Variants in ATP2B2 observed in about 807,000 individuals in gnomAD.
ATP2B2 encodes the protein ATPase plasma membrane Ca2+ transporting 2.
ATP2B2 carries 15 observed loss-of-function variants against 120.0 expected under a neutral mutation model. That is an observed-to-expected ratio of 0.12 (90% CI 0.08 to 0.19). The LOEUF is 0.19. Ranked by LOEUF, ATP2B2 falls within the 10% of genes least tolerant of loss-of-function variation. The pLI is 1.00. For synonymous variants in ATP2B2, 694 were observed against 700.3 expected (o/e 0.99, Z 0.14); for missense variants, 1,045 against 1,719.8 (o/e 0.61, Z 6.94).
intron 2 of ATP2B2, among the ~76,000 whole-genome samples, chr3:10,573,150 C>T (rs529154225): frequency 9.5e-6 from 1 of 105,696 alleles, no homozygotes; most frequent in South Asian, 2.6e-4. Flanking sequence ...AAGCCAAATA[C>T]ATTTTTTTTT....
chr3:10,654,377 A>G (rs922924482), intron 1 of ATP2B2, among the ~76,000 whole-genome samples: 1 of 152,106 alleles, frequency 6.6e-6, no homozygotes, highest in Non-Finnish European at 1.5e-5. Context: ...CTTGATAAAT[A>G]TTTGCTCAAT....
At chr3:10,345,087 C>T (rs2060392485) in intron 18 of ATP2B2, among the ~76,000 whole-genome samples, 1 of 152,206 alleles carries the variant, frequency 6.6e-6, no homozygotes, top group African/African-American at 2.4e-5. Flanking sequence ...CTTGAGGATT[C>T]CCTCTCCTGC....
Position 10,639,398 on chromosome 3 carries a change from G to A in ATP2B2, c.-459-19437C>T, listed in dbSNP as rs568503577. On this transcript the variant is annotated intron_variant, in intron 1 of 21. Coordinates refer to the ATP2B2 transcript ENST00000646379. ...TAAGGCTGAGAAGTCCAAGGTCAAGGTGCCAGCAGATTTGGAGTCTGGAGA... is the reference window on the plus strand; with the variant it reads ...TAAGGCTGAGAAGTCCAAGGTCAAGATGCCAGCAGATTTGGAGTCTGGAGA... 4.6e-5 allele frequency among the ~76,000 whole-genome samples: 7 copies of A among 152,312 alleles called. 1 individual carries two copies. The South Asian group carries it at 6.2e-4, about 14-fold the overall frequency.
intron 1 of ATP2B2, among the ~76,000 whole-genome samples, chr3:10,468,025 A>G (rs1473170462): frequency 6.6e-6 from 1 of 152,220 alleles, no homozygotes; most frequent in African/African-American, 2.4e-5. Flanking sequence ...AAGGCTGTGC[A>G]CATGACCTCG....
chr3:10,435,301 G>T (rs1162316368), intron 2 of ATP2B2, among the ~76,000 whole-genome samples: 2 of 152,162 alleles, frequency 1.3e-5, no homozygotes, highest in African/African-American at 4.8e-5. Flanking sequence ...GCCACCAGGT[G>T]GTCCCAAATA....
At chr3:10,540,563 T>C (rs1385451503) in intron 2 of ATP2B2, among the ~76,000 whole-genome samples, 1 of 152,096 alleles carries the variant, frequency 6.6e-6, no homozygotes, top group Non-Finnish European at 1.5e-5. Context: ...GTTAATGTCC[T>C]TTGTAGGGAC....
intron 2 of ATP2B2, among the ~76,000 whole-genome samples, chr3:10,597,063 CCACACACA>C (rs58466640): frequency 6.3e-5 from 9 of 142,846 alleles, no homozygotes; most frequent in African/African-American, 1.0e-4. Flanking sequence ...ACACACAGGG[CCACACACA>C]CACACACACA....
In ATP2B2 at chr3:10,327,133, G is replaced by A. The variant is rs970435965; in HGVS notation, c.*1681C>T. On this transcript the variant is annotated 3_prime_UTR_variant, in exon 23 of 23. Coordinates refer to ENST00000360273, the MANE Select transcript of ATP2B2 (RefSeq NM_001001331.4). Reference sequence around the variant, plus strand: ...ATACAAAAGTTCTTTTATGAAAAACGCTGAGACCCACAAAGTGCTTAGCAG... The same window carrying A: ...ATACAAAAGTTCTTTTATGAAAAACACTGAGACCCACAAAGTGCTTAGCAG... 16 of 292,258 alleles carry A rather than the reference G, an allele frequency of 5.5e-5. No individual in the cohort carries two copies. Among genetic ancestry groups the A allele is most frequent in the Middle Eastern group, 9.3e-4 (1 of 1,076 alleles). The allele number at this position is 292,258 out of a possible 1,614,324, so 18.1% of individuals were successfully genotyped here. A position where few individuals can be genotyped will look rare whatever the true frequency, so the allele number is the denominator to read the frequency against.
chr3:10,495,697 T>A (rs1403883466), intron 1 of ATP2B2, among the ~76,000 whole-genome samples: 1 of 152,182 alleles, frequency 6.6e-6, no homozygotes, highest in African/African-American at 2.4e-5. Context: ...TGGGTCCCAG[T>A]GCCAGGTCTC....
intron 16 of ATP2B2, 85 bp downstream of exon 16, chr3:10,350,027 A>C: frequency 7.2e-7 from 1 of 1,389,488 alleles, no homozygotes; most frequent in Non-Finnish European, 1.0e-6. Flanking sequence ...CCTTCTGGGA[A>C]GAAGCTGCAA....
At chr3:10,398,524 C>T (rs949219785) in intron 5 of ATP2B2, among the ~76,000 whole-genome samples, 2 of 152,214 alleles carry the variant, frequency 1.3e-5, no homozygotes, top group African/African-American at 4.8e-5. Flanking sequence ...CCCCAGCAGC[C>T]CAGGCTTCAC....
At chr3:10,656,009 T>C (rs930845382) in intron 1 of ATP2B2, among the ~76,000 whole-genome samples, 3 of 152,194 alleles carry the variant, frequency 2.0e-5, no homozygotes, top group African/African-American at 2.4e-5. Flanking sequence ...AAACAATCCC[T>C]GGATTGATGA....
chr3:10,540,172 C>T (rs1019063207), intron 2 of ATP2B2, among the ~76,000 whole-genome samples: 20 of 152,114 alleles, frequency 1.3e-4, no homozygotes, highest in African/African-American at 7.2e-5. Flanking sequence ...CAATGAGATA[C>T]CATCTCACAC....
chr3:10,544,370 G>A (rs920521721), intron 2 of ATP2B2, among the ~76,000 whole-genome samples: 1 of 152,222 alleles, frequency 6.6e-6, no homozygotes, highest in Admixed American at 6.5e-5. Context: ...AGGGGCCTAG[G>A]CCAAAAGTCT....
chr3:10,641,842 T>G, intron 1 of ATP2B2, among the ~76,000 whole-genome samples: 1 of 152,048 alleles, frequency 6.6e-6, no homozygotes, highest in East Asian at 1.9e-4. Context: ...ACCCATCTAT[T>G]CATCCAACCA....
chr3:10,461,140 A>C (rs981801055), intron 1 of ATP2B2, among the ~76,000 whole-genome samples: 3 of 152,240 alleles, frequency 2.0e-5, no homozygotes, highest in Admixed American at 6.5e-5. Context: ...TGAGGAAATG[A>C]GAATGATGCA....
intron 21 of ATP2B2, among the ~76,000 whole-genome samples, chr3:10,339,866 T>G (rs1016627956): frequency 1.3e-5 from 2 of 152,220 alleles, no homozygotes; most frequent in South Asian, 4.1e-4. Context: ...AGCTGGAGTT[T>G]AATAATGTCA....
upstream of ATP2B2, among the ~76,000 whole-genome samples, chr3:10,508,981 A>G (rs1410487180): frequency 6.6e-6 from 1 of 152,074 alleles, no homozygotes; most frequent in Non-Finnish European, 1.5e-5. Context: ...AGCCAATCTG[A>G]TTTTTACTCT....
intron 1 of ATP2B2, among the ~76,000 whole-genome samples, chr3:10,650,690 G>T (rs538278890): frequency 6.6e-6 from 1 of 152,320 alleles, no homozygotes; most frequent in Non-Finnish European, 1.5e-5. Flanking sequence ...TTGTGGGCTT[G>T]CCCCCCTGCT....
Sources: allele counts gnomAD v4.1 joint callset (sites outside exome capture counted in the v4.1 genomes callset), GRCh38; gene constraint gnomAD v4.1.1; transcripts MANE v1.5; gene names NCBI Gene and HGNC (gene_info 2026-07-23, HGNC 2026-07-21).